Variants in NECTIN1 observed in about 807,000 individuals in gnomAD.
NECTIN1 encodes nectin-1.
Under a neutral mutation model 48.0 loss-of-function variants are expected in NECTIN1, and 23 were observed. The observed-to-expected ratio is 0.48, with a 90% CI of 0.34 to 0.68. The LOEUF (loss-of-function observed/expected upper bound fraction) is 0.68, where lower values mean the gene tolerates loss of function less well. Among genes scored for constraint, NECTIN1 ranks in the 30% least tolerant of loss-of-function variants. The probability of loss-of-function intolerance (pLI) is 0.01; values close to 1 mark genes in which losing one functional copy is unlikely to be tolerated. For missense variants in NECTIN1, 591 were observed against 709.9 expected (o/e 0.83, Z 1.90); for synonymous variants, 270 against 288.9 (o/e 0.93, Z 0.66).
At chr11:119,638,103 G>A in exon 8 of NECTIN1, 1 of 1,612,304 alleles carries the variant, frequency 6.2e-7, no homozygotes, top group East Asian at 2.2e-5. Flanking sequence ...CTGGGCTAGG[G>A]GCACTCTCCT....
chr11:119,719,005 T>G (rs1010363719), intron 1 of NECTIN1, among the ~76,000 whole-genome samples: 11 of 152,228 alleles, frequency 7.2e-5, no homozygotes, highest in African/African-American at 2.7e-4. Context: ...TGAAGGTAAT[T>G]TTATACAGTG....
At chr11:119,687,815 C>A (rs1397180186) in intron 1 of NECTIN1, among the ~76,000 whole-genome samples, 2 of 152,248 alleles carry the variant, frequency 1.3e-5, no homozygotes. Context: ...CCAGGAGGGG[C>A]CTGTGGGGCC....
Position 119,690,409 on chromosome 11 carries a change from G to C in NECTIN1, c.80-11644C>G, listed in dbSNP as rs768825369. 3.9e-4 allele frequency among the ~76,000 whole-genome samples: 59 copies of C among 150,596 alleles called. 1 individual carries two copies. The Middle Eastern group carries it at 0.01, about 26-fold the overall frequency. The stretch of plus-strand genomic sequence containing the variant: ...CCTGGATCACAGACCTCCGAGCTGG[G>C]GGGTGGCAGTCTTTATCCGATGTGC... On this transcript the variant is annotated intron_variant, in intron 1 of 5. Transcript: ENST00000264025.
chr11:119,664,057 T>C lies in NECTIN1; in HGVS notation c.*690A>G. ...ACATTGGGGATAAAGAGGGGACGCG[T>C]CAGAGCTAGGCCAACTCCACTCTCT... On this transcript the variant is annotated 3_prime_UTR_variant, in exon 6 of 6. Transcript: ENST00000264025. The C allele has an allele frequency of 1.0e-6, 1 of 985,362 alleles. No individual in the cohort carries two copies. The highest frequency in any genetic ancestry group is 1.7e-5 in the African/African-American group (1 of 57,206). 61.0% of individuals were successfully genotyped at this position (985,362 alleles called of 1,614,324 possible). A position where few individuals can be genotyped will look rare whatever the true frequency, so the allele number is the denominator to read the frequency against.
Position 119,663,445 on chromosome 11 carries a change from G to A in NECTIN1, c.*1302C>T. On this transcript the variant is annotated 3_prime_UTR_variant, in exon 6 of 6. Transcript: ENST00000264025. ...CTAGGCCCTCCCCTCATCCCAGAAT[G>A]AGGACCAGGGGTGGCTGAGCAGGAG... 1.0e-6 allele frequency: 1 copy of A among 985,492 alleles called. No individual in the cohort carries two copies. The highest frequency in any genetic ancestry group is 1.2e-6 in the Non-Finnish European group (1 of 829,948). 61.0% of individuals were successfully genotyped at this position (985,492 alleles called of 1,614,324 possible). A position where few individuals can be genotyped will look rare whatever the true frequency, so the allele number is the denominator to read the frequency against.
In NECTIN1 at chr11:119,684,675, T is replaced by C. The variant is rs1313368377; in HGVS notation, c.80-5910A>G. 3.9e-5 allele frequency among the ~76,000 whole-genome samples: 6 copies of C among 152,108 alleles called. No homozygotes were observed. Among genetic ancestry groups the C allele is most frequent in the Non-Finnish European group, 5.9e-5 (4 of 68,016 alleles). ...CCTCCTCCCAGTGCAGCCGCTTCCC[T>C]GATTGTCAACTCCCAGGGCTGGCCA... On this transcript the variant is annotated intron_variant, in intron 1 of 5. Coordinates refer to ENST00000264025, the MANE Select transcript of NECTIN1 (RefSeq NM_002855.5). This position sits in a 1 kb window ranked among gnomAD's most constrained non-coding sequence, Gnocchi z 5.2.
intron 5 of NECTIN1, among the ~76,000 whole-genome samples, chr11:119,668,522 C>T (rs932940077): frequency 3.3e-5 from 5 of 152,346 alleles, no homozygotes; most frequent in African/African-American, 4.8e-5. Flanking sequence ...TTCCTTACTG[C>T]AAGCCTTTAC....
rs749180431 is a variant in NECTIN1, at chr11:119,664,743, G to T, written c.*4C>A. The T allele has an allele frequency of 2.5e-6, 4 of 1,606,678 alleles. No individual in the cohort carries two copies. Among genetic ancestry groups the T allele is most frequent in the Non-Finnish European group, 3.4e-6 (4 of 1,175,876 alleles). The stretch of plus-strand genomic sequence containing the variant: ...GGTCACAGACAGAGGCTCTGGAAGG[G>T]GGGCTACACGTACCACTCCTTCTTG... On this transcript the variant is annotated 3_prime_UTR_variant, in exon 6 of 6. Coordinates refer to ENST00000264025, the MANE Select transcript of NECTIN1 (RefSeq NM_002855.5).
chr11:119,685,789 C>T (rs1414546903), intron 1 of NECTIN1, among the ~76,000 whole-genome samples: 1 of 152,230 alleles, frequency 6.6e-6, no homozygotes, highest in African/African-American at 2.4e-5. Flanking sequence ...TTGCTCTGCT[C>T]ACCTGGACAC....
At chr11:119,688,710 T>G (rs909284284) in intron 1 of NECTIN1, among the ~76,000 whole-genome samples, 1 of 151,746 alleles carries the variant, frequency 6.6e-6, no homozygotes, top group Non-Finnish European at 1.5e-5. Context: ...GAAACATAGT[T>G]GGGGGGCACT....
intron 1 of NECTIN1, among the ~76,000 whole-genome samples, chr11:119,680,462 T>C (rs1432468816): frequency 1.3e-4 from 20 of 152,060 alleles, no homozygotes; most frequent in Admixed American, 1.1e-3. Flanking sequence ...GAGTGGGAAT[T>C]TGGGGCTTAT....
At chr11:119,722,438 T>C (rs1342944641) in intron 1 of NECTIN1, among the ~76,000 whole-genome samples, 7 of 152,210 alleles carry the variant, frequency 4.6e-5, no homozygotes, top group Non-Finnish European at 1.0e-4. Flanking sequence ...CTGTGGTCCA[T>C]CTTCCCCTCA....
At chr11:119,675,350 C>T (rs1471873805) in intron 4 of NECTIN1, 40 bp from the exon 5 acceptor site, 2 of 1,613,628 alleles carry the variant, frequency 1.2e-6, no homozygotes, top group Admixed American at 1.7e-5. Flanking sequence ...TTATGACTCT[C>T]CAGCCTCAAG....
chr11:119,726,894 G>A (rs904934499), intron 1 of NECTIN1, among the ~76,000 whole-genome samples: 1 of 152,118 alleles, frequency 6.6e-6, no homozygotes, highest in Non-Finnish European at 1.5e-5. Context: ...CCTAGAGCCC[G>A]AACTTCTGTA....
intron 5 of NECTIN1, among the ~76,000 whole-genome samples, chr11:119,669,520 G>T (rs749496016): frequency 6.6e-6 from 1 of 152,006 alleles, no homozygotes; most frequent in Non-Finnish European, 1.5e-5. Context: ...GATTGCAATA[G>T]CTGCCTAACT....
At chr11:119,657,774 A>ATAATAC (rs1307590815), downstream of NECTIN1, among the ~76,000 whole-genome samples, 11 of 146,992 alleles carry the variant, frequency 7.5e-5, no homozygotes, top group South Asian at 2.1e-4. Flanking sequence ...AATAATAATA[A>ATAATAC]TACTAGCTGG....
chr11:119,657,137 C>A (rs1181670356), downstream of NECTIN1, among the ~76,000 whole-genome samples: 1 of 152,170 alleles, frequency 6.6e-6, no homozygotes, highest in Non-Finnish European at 1.5e-5. Flanking sequence ...TGGATGACAA[C>A]AATAAATAGC....
chr11:119,671,907 C>T (rs1260947265), intron 5 of NECTIN1, among the ~76,000 whole-genome samples: 2 of 152,260 alleles, frequency 1.3e-5, no homozygotes, highest in Non-Finnish European at 2.9e-5. Flanking sequence ...TGCCACGGCA[C>T]AGCCACGGGC....
intron 1 of NECTIN1, among the ~76,000 whole-genome samples, chr11:119,704,763 C>T (rs1055620283): frequency 3.9e-5 from 6 of 152,164 alleles, no homozygotes; most frequent in Non-Finnish European, 7.4e-5. Context: ...CCCCGGGAGG[C>T]TCTCTCCGGG....
Sources: allele counts gnomAD v4.1 joint callset (sites outside exome capture counted in the v4.1 genomes callset), GRCh38; gene constraint gnomAD v4.1.1; non-coding constraint Gnocchi (gnomAD v3.1); transcripts MANE v1.5; gene names NCBI Gene and HGNC (gene_info 2026-07-23, HGNC 2026-07-21).